TENM4: variants seen among roughly 807,000 people sequenced by gnomAD.
TENM4 encodes teneurin-4.
Under a neutral mutation model 243.3 loss-of-function variants are expected in TENM4, and 82 were observed. That is an observed-to-expected ratio of 0.34 (90% confidence interval 0.28 to 0.40). TENM4 has a LOEUF of 0.40. Ranked by LOEUF, TENM4 falls within the 10% of genes least tolerant of loss-of-function variation. The pLI is 1.00. For synonymous variants in TENM4, 1,412 were observed against 1,456.3 expected, an observed-to-expected ratio of 0.97 and a Z score of 0.69; for missense variants, 3,138 against 3,673.3, an observed-to-expected ratio of 0.85 and a Z score of 3.77.
chr11:78,743,581 G>T (rs1018992593), intron 19 of TENM4, among the ~76,000 whole-genome samples: 1 of 152,248 alleles, frequency 6.6e-6, no homozygotes, highest in East Asian at 1.9e-4. Context: ...GGGCTGGAAG[G>T]GTTGTGCCCT....
In TENM4 at chr11:78,672,105, G is replaced by A. The variant is rs768735704; in HGVS notation, c.5721C>T (p.Tyr1907=). The A allele has an allele frequency of 2.7e-5, 44 of 1,613,888 alleles. No individual in the cohort carries two copies. The highest frequency in any genetic ancestry group is 9.3e-5 in the African/African-American group (7 of 74,930). ...QRGIMSERME[Y]DQAGRITSRI... is the part of the protein sequence containing the mutation. Reference sequence around the variant, plus strand: ...TGGATGTGATGCGGCCCGCCTGGTCGTATTCCATTCTTTCAGACATGATGC... The same window carrying A: ...TGGATGTGATGCGGCCCGCCTGGTCATATTCCATTCTTTCAGACATGATGC... The change falls in exon 31 of 34, where the codon TAC becomes TAT. Residue 1907 remains tyrosine, a synonymous_variant. Transcript: ENST00000278550.
chr11:79,226,470 C>A (rs1328499162), intron 2 of TENM4, among the ~76,000 whole-genome samples: 4 of 152,192 alleles, frequency 2.6e-5, no homozygotes, highest in African/African-American at 9.6e-5. Flanking sequence ...CCTGGAATAA[C>A]CATTGAACAC....
intron 4 of TENM4, among the ~76,000 whole-genome samples, chr11:79,104,836 G>A (rs1438276393): frequency 2.0e-5 from 3 of 152,184 alleles, no homozygotes; most frequent in Non-Finnish European, 4.4e-5. Context: ...AAGGCTCCAA[G>A]GGGGTTGAGA....
intron 1 of TENM4, among the ~76,000 whole-genome samples, chr11:79,347,868 T>C (rs906389597): frequency 2.8e-5 from 4 of 141,704 alleles, no homozygotes; most frequent in Middle Eastern, 3.8e-3. Flanking sequence ...CAAGCTCCGC[T>C]TCCCGGGTTC....
chr11:79,288,969 T>C (rs1367410740), intron 2 of TENM4, among the ~76,000 whole-genome samples: 1 of 152,064 alleles, frequency 6.6e-6, no homozygotes, highest in East Asian at 1.9e-4. Flanking sequence ...GGATGAAGTG[T>C]GGTGAGAGGC....
chr11:79,103,178 T>C (rs536684770), intron 4 of TENM4, among the ~76,000 whole-genome samples: 2 of 152,296 alleles, frequency 1.3e-5, no homozygotes, highest in African/African-American at 4.8e-5. Flanking sequence ...TTCAGGAAGC[T>C]TTCTTAGGCT....
At chr11:79,342,286 A>G (rs1298707916) in intron 1 of TENM4, among the ~76,000 whole-genome samples, 1 of 152,142 alleles carries the variant, frequency 6.6e-6, no homozygotes, top group African/African-American at 2.4e-5. Context: ...GGTAGGTGTG[A>G]CTGCATGGAC....
chr11:79,316,088 G>A (rs2135420778), intron 1 of TENM4, among the ~76,000 whole-genome samples: 1 of 152,290 alleles, frequency 6.6e-6, no homozygotes, highest in South Asian at 2.1e-4. Flanking sequence ...GAAAGGCGCT[G>A]CTTGTTTTTT....
chr11:79,140,267 C>G (rs1862262055), intron 4 of TENM4, among the ~76,000 whole-genome samples: 1 of 152,074 alleles, frequency 6.6e-6, no homozygotes, highest in Admixed American at 6.6e-5. Context: ...GCTCAAGCCT[C>G]TTGAGATTTG....
intron 15 of TENM4, among the ~76,000 whole-genome samples, chr11:78,799,505 T>C (rs895642224): frequency 6.6e-6 from 1 of 152,206 alleles, no homozygotes; most frequent in African/African-American, 2.4e-5. Flanking sequence ...TAAAACTATA[T>C]AAAACTACTT....
chr11:79,374,124 A>G (rs1476920256), intron 1 of TENM4, among the ~76,000 whole-genome samples: 1 of 152,218 alleles, frequency 6.6e-6, no homozygotes, highest in African/African-American at 2.4e-5. Flanking sequence ...GGGTCATCTG[A>G]TGATTTACCA....
At chr11:79,317,391 A>T (rs1856820080) in intron 1 of TENM4, among the ~76,000 whole-genome samples, 1 of 152,076 alleles carries the variant, frequency 6.6e-6, no homozygotes. Flanking sequence ...TTTTCTGGGA[A>T]GGGGGGGTCA....
chr11:78,978,380 GAAAAGA>G (rs1565152362), intron 6 of TENM4, among the ~76,000 whole-genome samples: 1 of 151,686 alleles, frequency 6.6e-6, no homozygotes, highest in African/African-American at 2.4e-5. Flanking sequence ...GAAAAGAAAA[GAAAAGA>G]AAAGAAAAGA....
chr11:78,730,282 G>A (rs1855623476), intron 21 of TENM4, among the ~76,000 whole-genome samples: 1 of 152,232 alleles, frequency 6.6e-6, no homozygotes, highest in South Asian at 2.1e-4. Context: ...AAGCAGGAAG[G>A]ATGGTTTCTC....
intron 1 of TENM4, among the ~76,000 whole-genome samples, chr11:79,328,387 T>C (rs964865116): frequency 1.6e-4 from 24 of 152,208 alleles, no homozygotes; most frequent in African/African-American, 5.8e-4. Context: ...TTTGTCTTTG[T>C]AACCCTCAGA....
At chr11:79,164,125 T>C (rs1468045495) in intron 3 of TENM4, among the ~76,000 whole-genome samples, 2 of 100,584 alleles carry the variant, frequency 2.0e-5, no homozygotes, top group Non-Finnish European at 3.7e-5. Context: ...ATATACTATG[T>C]ATATATAGTA....
chr11:79,253,157 T>C (rs992137096), intron 2 of TENM4, among the ~76,000 whole-genome samples: 8 of 152,324 alleles, frequency 5.3e-5, no homozygotes, highest in African/African-American at 1.9e-4. Context: ...TGTACCAAAT[T>C]GCTTCTCAGC....
chr11:78,705,873 A>G (rs1003457048), intron 27 of TENM4, among the ~76,000 whole-genome samples: 4 of 152,228 alleles, frequency 2.6e-5, no homozygotes, highest in African/African-American at 9.6e-5. Flanking sequence ...CACATATTAC[A>G]TAGGGTAGTT....
At chr11:78,845,947 AGCGGACTGCAG>A (rs1243246465) in intron 12 of TENM4, among the ~76,000 whole-genome samples, 3 of 152,190 alleles carry the variant, frequency 2.0e-5, no homozygotes, top group Non-Finnish European at 4.4e-5. Context: ...AAGTCAGATG[AGCGGACTGCAG>A]GCACGTGGCC....
Sources: gnomAD v4.1 joint callset for allele counts (sites outside exome capture counted in the v4.1 genomes callset) on GRCh38, gnomAD v4.1.1 for gene constraint, MANE v1.5 for transcripts, NCBI Gene and HGNC (gene_info 2026-07-23, HGNC 2026-07-21) for gene names.